ZNF609: variants seen among roughly 807,000 people sequenced by gnomAD.
ZNF609 encodes zinc finger protein 609.
A neutral mutation model predicts 109.5 loss-of-function variants in ZNF609; 11 were observed. The observed-to-expected ratio is 0.10, with a 90% CI of 0.06 to 0.17. The LOEUF is 0.17. Among genes scored for constraint, ZNF609 ranks in the 10% least tolerant of loss-of-function variants. The pLI is 1.00. For synonymous variants in ZNF609, 646 were observed against 662.0 expected, an observed-to-expected ratio of 0.98 and a Z score of 0.37; for missense variants, 1,559 against 1,772.4, an observed-to-expected ratio of 0.88 and a Z score of 2.16.
intron 2 of ZNF609, among the ~76,000 whole-genome samples, chr15:64,600,513 T>G (rs1183948921): frequency 6.7e-6 from 1 of 148,456 alleles, no homozygotes; most frequent in Non-Finnish European, 1.5e-5. Context: ...GCAGCACGCC[T>G]GTAGTCCCAG....
chr15:64,477,130 CTCTT>C lies in ZNF609; in HGVS notation c.-128+16298_-128+16301del, dbSNP rs1341276827. ...TTTGTTTATTCCCTTGCTTACTCTT[CTCTT>C]TCTTTTTTTTTTTTTTTTTTTTTTG... On this transcript the variant is annotated intron_variant, in intron 1 of 9. Transcript: ENST00000326648. 9.6e-5 allele frequency among the ~76,000 whole-genome samples: 14 copies of C among 145,446 alleles called. No homozygotes were observed. In the South Asian group the frequency reaches 1.3e-3, roughly 13 times the overall value.
At chr15:64,564,743 A>G (rs554241887) in intron 2 of ZNF609, among the ~76,000 whole-genome samples, 6 of 152,218 alleles carry the variant, frequency 3.9e-5, no homozygotes, top group African/African-American at 1.4e-4. Flanking sequence ...CCAGATACGT[A>G]TAAGAGCATG....
At chr15:64,563,712 G>A (rs1238770678) in intron 2 of ZNF609, among the ~76,000 whole-genome samples, 1 of 152,006 alleles carries the variant, frequency 6.6e-6, no homozygotes, top group Non-Finnish European at 1.5e-5. Context: ...GGAGGCAGAA[G>A]TTGCGGTGAG....
chr15:64,645,105 CCCTT>C (rs71133464), intron 3 of ZNF609, among the ~76,000 whole-genome samples: 7 of 90,716 alleles, frequency 7.7e-5, no homozygotes, highest in Non-Finnish European at 1.4e-4. Flanking sequence ...CTCCCTCCCT[CCCTT>C]CCTTCCTTCC....
chr15:64,485,227 G>GA lies in ZNF609; in HGVS notation c.-127-14056dup, dbSNP rs553131403. The stretch of plus-strand genomic sequence containing the variant: ...GAAGGCTTTAATGAATACATGCAAA[G>GA]AAAAAAAAAATTCAGCTTTTAAAGA... On this transcript the variant is annotated intron_variant, in intron 1 of 9. Transcript: ENST00000326648. Among the ~76,000 whole-genome samples the GA allele has an allele frequency of 3.4e-3, 507 of 148,740 alleles. 7 individuals are homozygous for GA. Among genetic ancestry groups the GA allele is most frequent in the African/African-American group, 0.012 (475 of 40,578 alleles).
rs2141016836 is a variant in ZNF609 at position 64,676,173 on chromosome 15, C to G, written c.3319C>G (p.Leu1107Val). ...AGTGAAGCTGAGTGATGCCAGCCAC[C>G]TAAGCAAGGAGGCCTCTGAGGCCAA... ...LKVKLSDASH[L>V]SKEASEAKTG... is the part of the protein sequence containing the mutation. Residue 1107 changes from leucine (L) to valine (V), a missense_variant, in exon 5 of 10, where the codon CTA becomes GTA. Leu to Val is a conservative substitution (Grantham distance 32). This residue lies in a region of ZNF609 where 1,204 missense variants were observed against 1,314.1 expected (regional missense o/e 0.92). Coordinates refer to ENST00000326648, the MANE Select transcript of ZNF609 (RefSeq NM_015042.2). The G allele has an allele frequency of 1.9e-6, 3 of 1,614,236 alleles. No homozygotes were observed. The highest frequency in any genetic ancestry group is 2.2e-5 in the East Asian group (1 of 44,884).
chr15:64,524,702 C>T (rs1893945816), intron 2 of ZNF609, among the ~76,000 whole-genome samples: 1 of 152,082 alleles, frequency 6.6e-6, no homozygotes, highest in Non-Finnish European at 1.5e-5. Context: ...ATTTGTTTAT[C>T]CATTTCATCA....
At chr15:64,673,762 A>G (rs2141014047) in intron 4 of ZNF609, among the ~76,000 whole-genome samples, 154 bp from the exon 5 acceptor site, 1 of 152,370 alleles carries the variant, frequency 6.6e-6, no homozygotes, top group South Asian at 2.1e-4. Flanking sequence ...GGAGTTCACC[A>G]TTTAGTGCAA....
intron 2 of ZNF609, among the ~76,000 whole-genome samples, chr15:64,611,743 T>TA (rs900942093): frequency 1.1e-4 from 16 of 152,212 alleles, no homozygotes; most frequent in African/African-American, 3.4e-4. Context: ...TTTCTTTTTT[T>TA]TTTTTTGAGA....
chr15:64,609,118 T>TTC (rs1567028297), intron 2 of ZNF609, among the ~76,000 whole-genome samples: 10 of 27,374 alleles, frequency 3.7e-4, no homozygotes, highest in Non-Finnish European at 1.3e-3. Context: ...CTTTCTTTCT[T>TTC]TCTTTCTTTC....
chr15:64,504,283 T>A (rs1421120909), intron 2 of ZNF609, among the ~76,000 whole-genome samples: 1 of 152,228 alleles, frequency 6.6e-6, no homozygotes, highest in Admixed American at 6.5e-5. Context: ...TCTTGTCCAA[T>A]TTCCTCATTT....
intron 2 of ZNF609, among the ~76,000 whole-genome samples, chr15:64,617,871 A>C (rs1422739253): frequency 6.6e-6 from 1 of 152,140 alleles, no homozygotes; most frequent in Non-Finnish European, 1.5e-5. Context: ...ATTCTCTATA[A>C]GTCTCTTTTC....
At chr15:64,598,879 C>T (rs1333625359) in intron 2 of ZNF609, among the ~76,000 whole-genome samples, 2 of 148,560 alleles carry the variant, frequency 1.3e-5, no homozygotes, top group Non-Finnish European at 3.0e-5. Context: ...GCCAAACTGC[C>T]CTCTAGAGAA....
chr15:64,608,747 G>GTGTGTA (rs1373548590), intron 2 of ZNF609, among the ~76,000 whole-genome samples: 1 of 150,512 alleles, frequency 6.6e-6, no homozygotes, highest in East Asian at 1.9e-4. Context: ...GTGTGTGTGT[G>GTGTGTA]TATTTTTTTG....
chr15:64,522,657 G>T (rs1446478095), intron 2 of ZNF609, among the ~76,000 whole-genome samples: 1 of 152,140 alleles, frequency 6.6e-6, no homozygotes, highest in Non-Finnish European at 1.5e-5. Context: ...AATTTTTAAA[G>T]ACTTAATGTT....
At chr15:64,496,252 G>A (rs1052063966) in intron 1 of ZNF609, among the ~76,000 whole-genome samples, 18 of 152,158 alleles carry the variant, frequency 1.2e-4, no homozygotes, top group Admixed American at 5.2e-4. Flanking sequence ...TGTTTCATAC[G>A]CTTTCCTTAC....
intron 2 of ZNF609, among the ~76,000 whole-genome samples, chr15:64,594,174 T>C (rs866039997): frequency 6.6e-6 from 1 of 152,208 alleles, no homozygotes; most frequent in Non-Finnish European, 1.5e-5. Flanking sequence ...GTGATTGTTA[T>C]CTTACTAGGA....
In ZNF609 at chr15:64,589,013, C is replaced by T. The variant is rs1895250294; in HGVS notation, c.748-33814C>T. Among the ~76,000 whole-genome samples the T allele has an allele frequency of 2.0e-5, 3 of 152,280 alleles. No homozygotes were observed. The South Asian group carries it at 6.2e-4, about 32-fold the overall frequency. On this transcript the variant is annotated intron_variant, in intron 2 of 9. Transcript: ENST00000326648. ...ACCCAAATAGGGGAGATGGTTTACA[C>T]ATCAGAATGTTATCTGGGGACTTTA...
At chr15:64,666,728 C>A (rs1204664007) in intron 3 of ZNF609, among the ~76,000 whole-genome samples, 1 of 152,006 alleles carries the variant, frequency 6.6e-6, no homozygotes, top group Non-Finnish European at 1.5e-5. Context: ...GCCAGGCTGG[C>A]TGGTCTTGGA....
Sources: allele counts gnomAD v4.1 joint callset (sites outside exome capture counted in the v4.1 genomes callset), GRCh38; gene constraint gnomAD v4.1.1; regional missense constraint gnomAD v4.1.1; transcripts MANE v1.5; gene names NCBI Gene and HGNC (gene_info 2026-07-23, HGNC 2026-07-21).